CACNA1C: variants seen among roughly 807,000 people sequenced by gnomAD.
The protein encoded by CACNA1C is calcium voltage-gated channel subunit alpha1 C.
A neutral mutation model predicts 229.0 loss-of-function variants in CACNA1C; 30 were observed. The ratio of observed to expected loss-of-function variants is 0.13; its 90% CI spans 0.10 to 0.18. The LOEUF is 0.18. CACNA1C is among the 10% of genes least tolerant of loss of function. The probability of loss-of-function intolerance (pLI) is 1.00; values close to 1 mark genes in which losing one functional copy is unlikely to be tolerated. For synonymous variants in CACNA1C, 1,114 were observed against 1,132.5 expected (o/e 0.98, Z 0.33); for missense variants, 1,658 against 2,845.0 (o/e 0.58, Z 9.49).
chr12:2,637,668 G>A (rs549099177), intron 30 of CACNA1C, among the ~76,000 whole-genome samples: 15 of 152,220 alleles, frequency 9.9e-5, no homozygotes, highest in Non-Finnish European at 1.8e-4. Flanking sequence ...GCGTATGGGC[G>A]GCCCCAGCAT....
At chr12:2,657,617 G>A (rs988190533) in intron 34 of CACNA1C, among the ~76,000 whole-genome samples, 1 of 152,110 alleles carries the variant, frequency 6.6e-6, no homozygotes, top group African/African-American at 2.4e-5. Context: ...AAATGAGATG[G>A]CAGGAATAAG....
At chr12:2,400,954 C>T (rs899411190) in intron 3 of CACNA1C, among the ~76,000 whole-genome samples, 5 of 152,162 alleles carry the variant, frequency 3.3e-5, no homozygotes, top group Non-Finnish European at 5.9e-5. Flanking sequence ...CATCCTCATC[C>T]TCTGAGCCTT....
intron 3 of CACNA1C, among the ~76,000 whole-genome samples, chr12:2,284,350 G>T (rs1006103181): frequency 6.8e-6 from 1 of 146,870 alleles, no homozygotes; most frequent in African/African-American, 2.6e-5. Flanking sequence ...TTCTGAATTC[G>T]AAGCCAAACA....
chr12:2,431,137 G>A (rs915313850), intron 3 of CACNA1C, among the ~76,000 whole-genome samples: 18 of 152,208 alleles, frequency 1.2e-4, no homozygotes, highest in Admixed American at 1.2e-3. Context: ...AGGCCCTGGT[G>A]CTTTTCAGAA....
intron 3 of CACNA1C, among the ~76,000 whole-genome samples, chr12:2,373,094 C>G (rs2097914969): frequency 6.6e-6 from 1 of 152,230 alleles, no homozygotes; most frequent in South Asian, 2.1e-4. Context: ...TCGTTACTGA[C>G]AGGAAAGCAT....
intron 11 of CACNA1C, among the ~76,000 whole-genome samples, chr12:2,564,574 C>A (rs892011086): frequency 6.6e-6 from 1 of 152,290 alleles, no homozygotes; most frequent in Middle Eastern, 3.4e-3. Context: ...CTAAGCACCC[C>A]ATTTTTCTCA....
chr12:2,588,045 C>T (rs1344144950), intron 18 of CACNA1C, among the ~76,000 whole-genome samples: 1 of 152,242 alleles, frequency 6.6e-6, no homozygotes, highest in Admixed American at 6.5e-5. Context: ...TGCTTCCCAG[C>T]TCTTCCTGCC....
At chr12:2,174,865 A>G (rs1252992209) in intron 3 of CACNA1C, among the ~76,000 whole-genome samples, 1 of 152,202 alleles carries the variant, frequency 6.6e-6, no homozygotes, top group Non-Finnish European at 1.5e-5. Flanking sequence ...AAGGAAGGTA[A>G]AATATATTTA....
chr12:2,363,877 G>T (rs2097648058), intron 3 of CACNA1C, among the ~76,000 whole-genome samples: 1 of 152,226 alleles, frequency 6.6e-6, no homozygotes, highest in African/African-American at 2.4e-5. Context: ...GGCTGGGGAT[G>T]TTCAAATAGT....
At chr12:2,093,543 C>T (rs1407713343) in intron 1 of CACNA1C, among the ~76,000 whole-genome samples, 13 of 152,222 alleles carry the variant, frequency 8.5e-5, no homozygotes, top group Non-Finnish European at 7.3e-5. Context: ...GTGTTCGTAC[C>T]TGTACTCGTG....
At chr12:2,246,811 G>C (rs1261894332) in intron 3 of CACNA1C, among the ~76,000 whole-genome samples, 1 of 152,134 alleles carries the variant, frequency 6.6e-6, no homozygotes, top group Non-Finnish European at 1.5e-5. Context: ...GCCAAGGTTG[G>C]GGGTGAGGGG....
intron 3 of CACNA1C, among the ~76,000 whole-genome samples, chr12:2,349,237 A>C (rs976815576): frequency 1.3e-5 from 2 of 152,136 alleles, no homozygotes; most frequent in African/African-American, 4.8e-5. Context: ...CACCGTTAGG[A>C]CTGAGATGTG....
At chr12:2,180,892 T>G (rs2096820347) in intron 3 of CACNA1C, among the ~76,000 whole-genome samples, 1 of 152,222 alleles carries the variant, frequency 6.6e-6, no homozygotes, top group Non-Finnish European at 1.5e-5. Flanking sequence ...TGCTGAATAC[T>G]GCAGCCACGC....
At chr12:2,631,100 G>A (rs1361693316) in intron 29 of CACNA1C, among the ~76,000 whole-genome samples, 1 of 152,166 alleles carries the variant, frequency 6.6e-6, no homozygotes, top group East Asian at 1.9e-4. Context: ...TGTTTCTCTG[G>A]TTTTCAACAC....
chr12:2,399,589 T>TCTTC (rs1209810001), intron 3 of CACNA1C, among the ~76,000 whole-genome samples: 1 of 152,218 alleles, frequency 6.6e-6, no homozygotes, highest in Non-Finnish European at 1.5e-5. Context: ...CCTCTCAATG[T>TCTTC]TCAGACACCT....
intron 1 of CACNA1C, among the ~76,000 whole-genome samples, chr12:2,023,493 CA>C: frequency 6.6e-6 from 1 of 152,294 alleles, no homozygotes; most frequent in Middle Eastern, 3.4e-3. Flanking sequence ...AGGATTTCCC[CA>C]GGAGAAGCTT....
intron 11 of CACNA1C, among the ~76,000 whole-genome samples, chr12:2,560,030 G>C (rs548804536): frequency 6.6e-6 from 1 of 152,284 alleles, no homozygotes; most frequent in East Asian, 1.9e-4. Flanking sequence ...AATTCAGTGT[G>C]TGTTTTTCCC....
chr12:2,552,107 G>A (rs2041593407), intron 10 of CACNA1C, among the ~76,000 whole-genome samples: 1 of 152,226 alleles, frequency 6.6e-6, no homozygotes, highest in African/African-American at 2.4e-5. Flanking sequence ...ATAGACAAAG[G>A]AATGTTAAGA....
intron 1 of CACNA1C, among the ~76,000 whole-genome samples, chr12:2,075,154 T>C (rs1211415344): frequency 6.6e-6 from 1 of 152,194 alleles, no homozygotes; most frequent in Non-Finnish European, 1.5e-5. Context: ...AGGCCTCCAT[T>C]TGGATTTGTT....
Sources: gnomAD v4.1 joint callset for allele counts (sites outside exome capture counted in the v4.1 genomes callset) on GRCh38, gnomAD v4.1.1 for gene constraint, MANE v1.5 for transcripts, NCBI Gene and HGNC (gene_info 2026-07-23, HGNC 2026-07-21) for gene names.